STAU2: variants seen among roughly 807,000 people sequenced by gnomAD.
The protein encoded by STAU2 is double-stranded RNA-binding protein Staufen homolog 2.
A neutral mutation model predicts 65.9 loss-of-function variants in STAU2; 20 were observed. That is an observed-to-expected ratio of 0.30 (90% CI 0.21 to 0.44). The LOEUF (loss-of-function observed/expected upper bound fraction) is 0.44, where lower values mean the gene tolerates loss of function less well. Ranked by LOEUF, STAU2 falls within the 20% of genes least tolerant of loss-of-function variation. The probability of loss-of-function intolerance (pLI) is 1.00; values close to 1 mark genes in which losing one functional copy is unlikely to be tolerated. For missense variants in STAU2, 558 were observed against 683.9 expected (o/e 0.82, Z 2.05); for synonymous variants, 232 against 233.9 (o/e 0.99, Z 0.07).
chr8:73,536,137 C>T (rs950220481), intron 13 of STAU2, among the ~76,000 whole-genome samples: 9 of 152,040 alleles, frequency 5.9e-5, no homozygotes, highest in African/African-American at 2.2e-4. Context: ...TCTTATTTTT[C>T]CTGCTTAACT....
intron 13 of STAU2, among the ~76,000 whole-genome samples, chr8:73,546,021 C>A (rs1411039939): frequency 6.6e-6 from 1 of 150,624 alleles, no homozygotes; most frequent in Non-Finnish European, 1.5e-5. Flanking sequence ...TGGCTCACTG[C>A]ACTTCCGCCT....
intron 4 of STAU2, among the ~76,000 whole-genome samples, chr8:73,690,216 C>G (rs1819229935): frequency 6.6e-6 from 1 of 151,210 alleles, no homozygotes; most frequent in South Asian, 2.1e-4. Flanking sequence ...GTAGTCCCAG[C>G]TACTCGGGAG....
chr8:73,613,994 C>T, intron 8 of STAU2, 38 bp from the exon 9 acceptor site: 1 of 1,468,962 alleles, frequency 6.8e-7, no homozygotes, highest in Non-Finnish European at 9.2e-7. Flanking sequence ...AATGGATAGG[C>T]ACTTGAGATG....
chr8:73,713,060 TATA>T (rs1821006827), intron 3 of STAU2, among the ~76,000 whole-genome samples: 1 of 152,252 alleles, frequency 6.6e-6, no homozygotes, highest in African/African-American at 2.4e-5. Flanking sequence ...TCAAATATGA[TATA>T]AATTATATTA....
chr8:73,463,621 G>A (rs1819492851), intron 13 of STAU2, among the ~76,000 whole-genome samples: 1 of 152,184 alleles, frequency 6.6e-6, no homozygotes, highest in African/African-American at 2.4e-5. Flanking sequence ...CCAACATTTG[G>A]ACCCTTACTT....
intron 6 of STAU2, among the ~76,000 whole-genome samples, chr8:73,640,393 C>T (rs1462233996): frequency 1.3e-5 from 2 of 152,024 alleles, no homozygotes; most frequent in Admixed American, 6.6e-5. Flanking sequence ...TATACCTAAA[C>T]TTATAATCCC....
intron 13 of STAU2, among the ~76,000 whole-genome samples, chr8:73,514,838 T>C (rs1365801431): frequency 1.3e-5 from 2 of 152,224 alleles, no homozygotes; most frequent in Non-Finnish European, 2.9e-5. Flanking sequence ...CACAGAAAAA[T>C]TGAGCACAAC....
chr8:73,498,737 A>G (rs1414932149), intron 13 of STAU2, among the ~76,000 whole-genome samples: 1 of 151,850 alleles, frequency 6.6e-6, no homozygotes, highest in Non-Finnish European at 1.5e-5. Flanking sequence ...AAGGCAACCC[A>G]GCAAGTGAGT....
chr8:73,494,678 G>A (rs1043785290), intron 13 of STAU2, among the ~76,000 whole-genome samples: 9 of 151,606 alleles, frequency 5.9e-5, no homozygotes, highest in Non-Finnish European at 1.3e-4. Flanking sequence ...TAGACAATAT[G>A]AAAGTACAGT....
intron 13 of STAU2, among the ~76,000 whole-genome samples, chr8:73,478,450 C>A (rs1820434411): frequency 6.6e-6 from 1 of 151,886 alleles, no homozygotes; most frequent in Non-Finnish European, 1.5e-5. Flanking sequence ...TGATCTAGCA[C>A]AATACCTGAC....
chr8:73,494,663 A>AT (rs1821310029), intron 13 of STAU2, among the ~76,000 whole-genome samples: 1 of 151,662 alleles, frequency 6.6e-6, no homozygotes, highest in South Asian at 2.1e-4. Context: ...AGTTTTCCAC[A>AT]TTTTTAGACA....
intron 12 of STAU2, among the ~76,000 whole-genome samples, chr8:73,553,287 A>T (rs1173933700): frequency 1.3e-5 from 2 of 152,206 alleles, no homozygotes; most frequent in Non-Finnish European, 1.5e-5. Flanking sequence ...TGAGAGACAC[A>T]ACTTAATTTC....
Position 73,574,997 on chromosome 8 carries a change from A to G in STAU2, c.1222+7773T>C, listed in dbSNP as rs548427655. On this transcript the variant is annotated intron_variant, in intron 12 of 14. Transcript: ENST00000524300. ...GTATTATTTATTATACCCAACTTAC[A>G]CATGCTATAAAAGAAAAGACTATTT... is the stretch of plus-strand genomic sequence containing the variant. 5.3e-5 allele frequency among the ~76,000 whole-genome samples: 8 copies of G among 151,756 alleles called. No homozygotes were observed. The East Asian group carries it at 1.3e-3, about 26-fold the overall frequency.
intron 4 of STAU2, among the ~76,000 whole-genome samples, chr8:73,707,665 G>A (rs1820607435): frequency 6.6e-6 from 1 of 152,044 alleles, no homozygotes; most frequent in African/African-American, 2.4e-5. Context: ...AAGAATACCT[G>A]GAATTGGCAA....
chr8:73,589,286 A>G (rs1324465931), intron 11 of STAU2, among the ~76,000 whole-genome samples: 1 of 152,214 alleles, frequency 6.6e-6, no homozygotes, highest in Non-Finnish European at 1.5e-5. Flanking sequence ...CTTAGCCTCT[A>G]CTATTTTTCT....
At chr8:73,699,258 T>C (rs1819906636) in intron 4 of STAU2, among the ~76,000 whole-genome samples, 1 of 151,440 alleles carries the variant, frequency 6.6e-6, no homozygotes, top group Non-Finnish European at 1.5e-5. Context: ...ACAATGCACC[T>C]TAAAGAACTA....
intron 5 of STAU2, among the ~76,000 whole-genome samples, chr8:73,679,431 G>T (rs1182383304): frequency 6.6e-6 from 1 of 152,188 alleles, no homozygotes; most frequent in Non-Finnish European, 1.5e-5. Context: ...CAAACTCCAT[G>T]AGACAGCCAA....
rs1047917820 is a variant in STAU2 at position 73,481,424 on chromosome 8, G to A, written c.1531-58722C>T. ...ATTGCACTTGGGAATTCTGATACATGCCAAAGTTTGAGAGCCACTGGCTAG... is the reference window on the plus strand; with the variant it reads ...ATTGCACTTGGGAATTCTGATACATACCAAAGTTTGAGAGCCACTGGCTAG... On this transcript the variant is annotated intron_variant, in intron 13 of 14. Transcript: ENST00000524300. Among the ~76,000 whole-genome samples, 3 of 149,586 alleles carry A rather than the reference G, an allele frequency of 2.0e-5. No individual in the cohort carries two copies. The East Asian group carries it at 5.9e-4, about 30-fold the overall frequency.
intron 6 of STAU2, among the ~76,000 whole-genome samples, chr8:73,642,829 A>G (rs2130142047): frequency 6.6e-6 from 1 of 152,312 alleles, no homozygotes; most frequent in South Asian, 2.1e-4. Flanking sequence ...GAGAACAGAA[A>G]ATAAATACCT....
Sources: allele counts gnomAD v4.1 joint callset (sites outside exome capture counted in the v4.1 genomes callset), GRCh38; gene constraint gnomAD v4.1.1; transcripts MANE v1.5; gene names NCBI Gene and HGNC (gene_info 2026-07-23, HGNC 2026-07-21).